The following TRIM55 variants were observed in gnomAD, a reference collection of about 807,000 sequenced individuals.
The protein encoded by TRIM55 is tripartite motif containing 55.
In TRIM55, 50 loss-of-function variants were observed where a neutral mutation model predicts 60.9. The ratio of observed to expected loss-of-function variants is 0.82; its 90% CI spans 0.65 to 1.04. The LOEUF (loss-of-function observed/expected upper bound fraction) is 1.04, where lower values mean the gene tolerates loss of function less well. TRIM55 is among the 50% of genes least tolerant of loss of function. The pLI, the probability that TRIM55 is intolerant of heterozygous loss-of-function variation, is 0.00. For synonymous variants in TRIM55, 237 were observed against 238.1 expected, an observed-to-expected ratio of 1.00 and a Z score of 0.04; for missense variants, 681 against 666.9, an observed-to-expected ratio of 1.02 and a Z score of -0.23.
chr8:66,131,105 T>C (rs1809129770), intron 2 of TRIM55, among the ~76,000 whole-genome samples: 1 of 152,142 alleles, frequency 6.6e-6, no homozygotes, highest in Non-Finnish European at 1.5e-5. Context: ...CAAGTAAAAC[T>C]ACTATGTGCT....
chr8:66,113,387 A>G, the TRIM55 span: 1 of 394,798 alleles, frequency 2.5e-6, no homozygotes, highest in South Asian at 1.8e-5. Flanking sequence ...CTCAGCTGGT[A>G]GAGCGGAGGA....
At chr8:66,138,784 T>A (rs2357671) in intron 4 of TRIM55, among the ~76,000 whole-genome samples, 44,837 of 152,202 alleles carry the variant, frequency 0.29, 8,106 homozygotes, top group Middle Eastern at 0.43. Flanking sequence ...GGTACCTATC[T>A]TATAGAGTTA....
chr8:66,130,704 A>G (rs1809101951), intron 2 of TRIM55, among the ~76,000 whole-genome samples: 1 of 131,794 alleles, frequency 7.6e-6, no homozygotes, highest in African/African-American at 2.9e-5. Flanking sequence ...TTTGTTTCCC[A>G]GGCTGGAGTG....
chr8:66,173,174 A>G (rs1811739811), intron 9 of TRIM55, among the ~76,000 whole-genome samples: 1 of 152,186 alleles, frequency 6.6e-6, no homozygotes, highest in Non-Finnish European at 1.5e-5. Flanking sequence ...TGTTTCCACT[A>G]TTCCTTCATA....
chr8:66,149,926 G>A (rs1386276825), intron 5 of TRIM55, 48 bp downstream of exon 5: 3 of 1,399,746 alleles, frequency 2.1e-6, no homozygotes, highest in African/African-American at 2.9e-5. Context: ...GGTGGGTGTT[G>A]GAAAATTAGT....
At chr8:66,168,086 TCTTTTTGGGGGTTC>T (rs1199922309) in intron 9 of TRIM55, among the ~76,000 whole-genome samples, 1 of 152,122 alleles carries the variant, frequency 6.6e-6, no homozygotes, top group Admixed American at 6.5e-5. Context: ...CCTTCCAGGC[TCTTTTTGGGGGTTC>T]CTATTTTCTG....
the TRIM55 span, among the ~76,000 whole-genome samples, chr8:66,120,456 G>T: frequency 6.6e-6 from 1 of 152,200 alleles, no homozygotes; most frequent in African/African-American, 2.4e-5. Flanking sequence ...CCAACCATGA[G>T]ATGAGAATCT....
intron 4 of TRIM55, among the ~76,000 whole-genome samples, chr8:66,148,060 C>T (rs1810202059): frequency 6.6e-6 from 1 of 152,146 alleles, no homozygotes; most frequent in African/African-American, 2.4e-5. Context: ...TCCCAAGAAG[C>T]TCTCACTGTG....
rs746668485 is a variant in TRIM55 at position 66,150,406 on chromosome 8, C to T, written c.925C>T (p.His309Tyr). 3.1e-6 allele frequency: 5 copies of T among 1,614,096 alleles called. No individual in the cohort carries two copies. In the South Asian group the frequency reaches 3.3e-5, roughly 11 times the overall value. The stretch of plus-strand genomic sequence containing the variant: ...AGAACATGGCTATGAGAACATGAAC[C>T]ACTTCACAGTCAACCTCAATAGAGA... ...KIEHGYENMN[H>Y]FTVNLNREEK... Residue 309 changes from histidine (H) to tyrosine (Y), a missense_variant, in exon 7 of 10, where the codon CAC becomes TAC. Coordinates refer to ENST00000315962, the MANE Select transcript of TRIM55 (RefSeq NM_184085.2).
chr8:66,144,686 G>A (rs904723001), intron 4 of TRIM55, among the ~76,000 whole-genome samples: 2 of 152,228 alleles, frequency 1.3e-5, no homozygotes, highest in South Asian at 4.1e-4. Flanking sequence ...GTCCAGAGAA[G>A]AGGGGAGGTG....
chr8:66,174,340 ATATAATAATATTGTTAT>A, intron 9 of TRIM55, 114 bp from the exon 10 acceptor site: 1 of 636,290 alleles, frequency 1.6e-6, no homozygotes, highest in Non-Finnish European at 2.2e-6. Flanking sequence ...ATTATGTGCC[ATATAATAATATTGTTAT>A]TATAATAATA....
intron 9 of TRIM55, among the ~76,000 whole-genome samples, chr8:66,167,621 T>A (rs1285068522): frequency 6.6e-6 from 1 of 152,110 alleles, no homozygotes; most frequent in African/African-American, 2.4e-5. Flanking sequence ...CCTCAGGAAA[T>A]TATTCTCATT....
rs113060020 is a variant in TRIM55 at position 66,151,163 on chromosome 8, A to T, written c.985+697A>T. Among the ~76,000 whole-genome samples, 1,172 of 152,348 alleles carry T rather than the reference A, an allele frequency of 7.7e-3. 7 individuals carry two copies. Among genetic ancestry groups the T allele is most frequent in the Non-Finnish European group, 0.011 (752 of 68,030 alleles). On this transcript the variant is annotated intron_variant, in intron 7 of 9. Coordinates refer to ENST00000315962, the MANE Select transcript of TRIM55 (RefSeq NM_184085.2). ...GTGGGTTAGATATTGCAGCACATCA[A>T]CTTAATCAAAATTTAGAGGACAAGA...
At chr8:66,115,557 G>A in the TRIM55 span, among the ~76,000 whole-genome samples, 1 of 152,170 alleles carries the variant, frequency 6.6e-6, no homozygotes, top group Non-Finnish European at 1.5e-5. Context: ...AAAACCCAGT[G>A]GAGGACACAC....
intron 7 of TRIM55, chr8:66,152,170 A>T: frequency 7.9e-6 from 5 of 632,952 alleles, no homozygotes; most frequent in Non-Finnish European, 1.3e-5. Context: ...AACAAGGAGG[A>T]TAGGGATGGT....
At chr8:66,117,894 C>T in the TRIM55 span, among the ~76,000 whole-genome samples, 2 of 151,812 alleles carry the variant, frequency 1.3e-5, no homozygotes, top group Admixed American at 1.3e-4. Context: ...AGGCCGGGCA[C>T]GGTGGCTCAA....
intron 2 of TRIM55, 79 bp from the exon 3 acceptor site, chr8:66,134,911 G>A: frequency 6.8e-7 from 1 of 1,476,262 alleles, no homozygotes; most frequent in South Asian, 1.3e-5. Flanking sequence ...AATTTGCAAG[G>A]CAGAGCAACA....
rs147916715 is a variant in TRIM55 at position 66,132,924 on chromosome 8, T to A, written c.342-2066T>A. 9.9e-3 allele frequency among the ~76,000 whole-genome samples: 1,515 copies of A among 152,330 alleles called. 26 individuals carry two copies. Among genetic ancestry groups the A allele is most frequent in the African/African-American group, 0.034 (1,425 of 41,558 alleles). On this transcript the variant is annotated intron_variant, in intron 2 of 9. Transcript: ENST00000315962. ...TAAATGTAGAGCCTTATGGCTGTTTTCACATTTTCAATATTTGCATATACT... is the reference window on the plus strand; with the variant it reads ...TAAATGTAGAGCCTTATGGCTGTTTACACATTTTCAATATTTGCATATACT...
intron 9 of TRIM55, among the ~76,000 whole-genome samples, chr8:66,158,454 G>A (rs1810871018): frequency 6.6e-6 from 1 of 152,104 alleles, no homozygotes; most frequent in Non-Finnish European, 1.5e-5. Flanking sequence ...AAGACTGTGG[G>A]GATCCAAAAG....
Sources: gnomAD v4.1 joint callset for allele counts (sites outside exome capture counted in the v4.1 genomes callset) on GRCh38, gnomAD v4.1.1 for gene constraint, MANE v1.5 for transcripts, NCBI Gene and HGNC (gene_info 2026-07-23, HGNC 2026-07-21) for gene names.